The following PALD1 variants were observed in gnomAD, a reference collection of about 807,000 sequenced individuals.
PALD1 encodes paladin.
Under a neutral mutation model 96.0 loss-of-function variants are expected in PALD1, and 57 were observed. The observed-to-expected ratio is 0.59, with a 90% CI of 0.48 to 0.74. PALD1 has a LOEUF of 0.74. PALD1 is among the 30% of genes least tolerant of loss of function. The probability of loss-of-function intolerance (pLI) is 0.00; values close to 1 mark genes in which losing one functional copy is unlikely to be tolerated. For synonymous variants in PALD1, 464 were observed against 473.6 expected, an observed-to-expected ratio of 0.98 and a Z score of 0.26; for missense variants, 1,063 against 1,143.7, an observed-to-expected ratio of 0.93 and a Z score of 1.02.
intron 1 of PALD1, among the ~76,000 whole-genome samples, chr10:70,479,289 C>T (rs756247548): frequency 2.6e-5 from 4 of 152,218 alleles, no homozygotes; most frequent in Non-Finnish European, 5.9e-5. Flanking sequence ...TACCCCCTCT[C>T]CCGAGTTCCC....
chr10:70,469,378 A>G, the PALD1 span, among the ~76,000 whole-genome samples: 1 of 152,094 alleles, frequency 6.6e-6, no homozygotes, highest in Admixed American at 6.6e-5. Flanking sequence ...CAGGCTGGGG[A>G]ACAACTGTTT....
intron 18 of PALD1, among the ~76,000 whole-genome samples, chr10:70,559,486 G>A (rs1239410516): frequency 3.3e-5 from 5 of 152,150 alleles, no homozygotes; most frequent in African/African-American, 1.2e-4. Context: ...CAGTCATTTA[G>A]GTGCTGTGTT....
At chr10:70,533,617 C>T (rs372516578) in intron 7 of PALD1, among the ~76,000 whole-genome samples, 7 of 152,214 alleles carry the variant, frequency 4.6e-5, no homozygotes, top group Non-Finnish European at 1.0e-4. Context: ...GGCGGAGTTT[C>T]TCTCCAGCCC....
chr10:70,498,467 G>A (rs950721740), intron 1 of PALD1, among the ~76,000 whole-genome samples: 2 of 151,908 alleles, frequency 1.3e-5, no homozygotes, highest in African/African-American at 2.4e-5. Flanking sequence ...ATTTTTTATC[G>A]AGGTGAGATC....
At chr10:70,520,760 C>T (rs1439018435) in intron 1 of PALD1, among the ~76,000 whole-genome samples, 8 of 132,420 alleles carry the variant, frequency 6.0e-5, no homozygotes, top group South Asian at 5.0e-4. Context: ...GGTGTGATCT[C>T]GGCTCACTGC....
chr10:70,556,565 G>A (rs565077085), intron 18 of PALD1, among the ~76,000 whole-genome samples: 14 of 152,142 alleles, frequency 9.2e-5, no homozygotes, highest in African/African-American at 3.1e-4. Context: ...TCATCCTCTC[G>A]CCTCAGCCTC....
At position 70,540,555 on chromosome 10, in the gene PALD1, T is replaced by G. The variant is rs940334388; in HGVS notation, c.1909-547T>G. Among the ~76,000 whole-genome samples the G allele has an allele frequency of 1.3e-5, 2 of 151,942 alleles. No individual in the cohort carries two copies. The highest frequency in any genetic ancestry group is 4.8e-5 in the African/African-American group (2 of 41,328). On this transcript the variant is annotated intron_variant, in intron 15 of 19. Coordinates refer to ENST00000263563, the MANE Select transcript of PALD1 (RefSeq NM_014431.3). This position sits in a 1 kb window ranked among gnomAD's most constrained non-coding sequence, Gnocchi z 4.2. ...GCCACCGTGTGCGTGGTGCGTGTGT[T>G]GTAGGTGGGTCGCTGTGTGCTGTGT...
intron 1 of PALD1, among the ~76,000 whole-genome samples, chr10:70,487,130 A>T (rs1161515332): frequency 3.6e-5 from 4 of 110,398 alleles, no homozygotes; most frequent in East Asian, 2.7e-4. Context: ...TCTGAGCCCA[A>T]TTTTTTTTTT....
chr10:70,495,955 G>A lies in PALD1; in HGVS notation c.-30+16896G>A, dbSNP rs566081442. Reference sequence around the variant, plus strand: ...GAGTCTGGGAGGTCAAGGCTGCAGTGAGTCATGATCGTACCACTGTACTCC... The same window carrying A: ...GAGTCTGGGAGGTCAAGGCTGCAGTAAGTCATGATCGTACCACTGTACTCC... On this transcript the variant is annotated intron_variant, in intron 1 of 19. Coordinates refer to ENST00000263563, the MANE Select transcript of PALD1 (RefSeq NM_014431.3). Among the ~76,000 whole-genome samples, 4 of 152,146 alleles carry A rather than the reference G, an allele frequency of 2.6e-5. No individual in the cohort carries two copies. In the East Asian group the frequency reaches 7.7e-4, roughly 29 times the overall value.
chr10:70,483,738 G>A (rs1845971675), intron 1 of PALD1, among the ~76,000 whole-genome samples: 1 of 152,236 alleles, frequency 6.6e-6, no homozygotes, highest in African/African-American at 2.4e-5. Flanking sequence ...GGAAAGCACA[G>A]AAGGGACTTC....
chr10:70,558,656 T>C (rs1847665987), intron 18 of PALD1, among the ~76,000 whole-genome samples: 1 of 151,964 alleles, frequency 6.6e-6, no homozygotes, highest in Non-Finnish European at 1.5e-5. Flanking sequence ...AGGCTGGTAT[T>C]ACACGGGGAG....
intron 1 of PALD1, among the ~76,000 whole-genome samples, chr10:70,481,954 C>T (rs188617321): frequency 3.9e-5 from 6 of 152,300 alleles, no homozygotes; most frequent in African/African-American, 9.6e-5. Context: ...GGGTCAGTAA[C>T]CTCTACCTCC....
At chr10:70,490,715 C>T (rs1348825870) in intron 1 of PALD1, among the ~76,000 whole-genome samples, 3 of 152,162 alleles carry the variant, frequency 2.0e-5, no homozygotes, top group Non-Finnish European at 4.4e-5. Context: ...CCTTGGGCCT[C>T]TCCTGTGTTC....
chr10:70,560,617 AG>A (rs1375943531), intron 18 of PALD1, among the ~76,000 whole-genome samples: 1 of 151,594 alleles, frequency 6.6e-6, no homozygotes, highest in African/African-American at 2.4e-5. Context: ...CTTGTGTGGT[AG>A]CCTGGGGAGG....
rs1280880071 is a variant in PALD1 at position 70,540,644 on chromosome 10, C to T, written c.1909-458C>T. Among the ~76,000 whole-genome samples the T allele has an allele frequency of 1.3e-5, 2 of 152,154 alleles. No individual in the cohort carries two copies. The highest frequency in any genetic ancestry group is 2.9e-5 in the Non-Finnish European group (2 of 68,024). On this transcript the variant is annotated intron_variant, in intron 15 of 19. Transcript: ENST00000263563. This position sits in a 1 kb window ranked among gnomAD's most constrained non-coding sequence, Gnocchi z 4.2. The stretch of plus-strand genomic sequence containing the variant: ...CTGGCGCATCTCTTCGCGGCTCTCA[C>T]TGCCTGCGGTCTGCTGCCTCCTGGT...
chr10:70,529,387 A>G (rs1846946882), intron 3 of PALD1, 56 bp downstream of exon 3: 2 of 795,404 alleles, frequency 2.5e-6, no homozygotes, highest in Non-Finnish European at 2.1e-6. Context: ...CCTATCTCTC[A>G]TGAATTCCCT....
chr10:70,508,614 C>T (rs1846442560), intron 1 of PALD1, among the ~76,000 whole-genome samples: 1 of 152,230 alleles, frequency 6.6e-6, no homozygotes, highest in Non-Finnish European at 1.5e-5. Context: ...AACCCTGTCC[C>T]AACGCCACCA....
At chr10:70,548,622 G>C (rs1040931282) in intron 18 of PALD1, among the ~76,000 whole-genome samples, 1 of 152,226 alleles carries the variant, frequency 6.6e-6, no homozygotes, top group African/African-American at 2.4e-5. Context: ...GGTGCTGAGA[G>C]AGGGCTATAT....
chr10:70,523,024 A>T (rs916727828), intron 1 of PALD1, among the ~76,000 whole-genome samples: 5 of 152,184 alleles, frequency 3.3e-5, no homozygotes, highest in Non-Finnish European at 1.5e-5. Flanking sequence ...CAGTGTGACA[A>T]GCCTGGGGTT....
Sources: allele counts gnomAD v4.1 joint callset (sites outside exome capture counted in the v4.1 genomes callset), GRCh38; gene constraint gnomAD v4.1.1; non-coding constraint Gnocchi (gnomAD v3.1); transcripts MANE v1.5; gene names NCBI Gene and HGNC (gene_info 2026-07-23, HGNC 2026-07-21).